The following ULK1 variants were observed in gnomAD, a reference collection of about 807,000 sequenced individuals.
ULK1 encodes the protein serine/threonine-protein kinase ULK1.
Under a neutral mutation model 117.5 loss-of-function variants are expected in ULK1, and 48 were observed. The observed-to-expected ratio is 0.41, with a 90% confidence interval of 0.32 to 0.52. ULK1 has a LOEUF of 0.52. Among genes scored for constraint, ULK1 ranks in the 20% least tolerant of loss-of-function variants. ULK1 has a pLI of 0.29. For synonymous variants in ULK1, 790 were observed against 637.8 expected, an observed-to-expected ratio of 1.24 and a Z score of -3.60; for missense variants, 1,387 against 1,473.4, an observed-to-expected ratio of 0.94 and a Z score of 0.96.
chr12:131,895,180 T>A, intron 1 of ULK1, 68 bp downstream of exon 1: 1 of 917,026 alleles, frequency 1.1e-6, no homozygotes, highest in Non-Finnish European at 1.4e-6. Flanking sequence ...CGCCCCGAGA[T>A]TCCCCGCCTG....
Position 131,908,833 on chromosome 12 carries a change from G to A in ULK1, c.490+16G>A, listed in dbSNP as rs531590488. ...GTCAAGATCGGTCAGCCCGCGGGCA[G>A]GCAGGCGGGCCCGGCGGGGAGGGGC... On this transcript the variant is annotated intron_variant, in intron 6 of 27. Coordinates refer to ENST00000321867, the MANE Select transcript of ULK1 (RefSeq NM_003565.4). 3.1e-6 allele frequency: 5 copies of A among 1,606,208 alleles called. No homozygotes were observed. The South Asian group carries it at 4.4e-5, about 14-fold the overall frequency.
At chr12:131,918,253 T>C (rs1015002483) in intron 22 of ULK1, 3 of 563,904 alleles carry the variant, frequency 5.3e-6, no homozygotes, top group African/African-American at 1.9e-5. Context: ...GGTCCCTTGG[T>C]GGGCACCGCA....
At chr12:131,920,891 G>A in intron 26 of ULK1, 1 of 677,932 alleles carries the variant, frequency 1.5e-6, no homozygotes, top group Non-Finnish European at 2.4e-6. Flanking sequence ...TGAGAGCGCT[G>A]GCCAGGGTCA....
At chr12:131,907,001 T>TG in intron 4 of ULK1, 77 bp downstream of exon 4, 4 of 1,593,934 alleles carry the variant, frequency 2.5e-6, no homozygotes, top group East Asian at 4.5e-5. Flanking sequence ...GGGACATGGC[T>TG]GGGGGGAGGG....
At position 131,913,241 on chromosome 12, in the gene ULK1, C is replaced by T; in HGVS notation, c.1140C>T (p.Asp380=). The change falls in exon 14 of 28, where the codon GAC becomes GAT. Residue 380 remains aspartate (D), a synonymous_variant. Coordinates refer to ENST00000321867, the MANE Select transcript of ULK1 (RefSeq NM_003565.4). ...AEAPSAKPPP[D]SLMCSGSSLV... ...CGCCCAGTGCCAAACCCCCGCCAGACAGCCTGATGTGCAGTGGGTGAGCCC... is the reference window on the plus strand; with the variant it reads ...CGCCCAGTGCCAAACCCCCGCCAGATAGCCTGATGTGCAGTGGGTGAGCCC... 6.3e-7 allele frequency: 1 copy of T among 1,593,054 alleles called. No homozygotes were observed.
At position 131,903,400 on chromosome 12, in the gene ULK1, C is replaced by T. The variant is rs530336774; in HGVS notation, c.247-3492C>T. Among the ~76,000 whole-genome samples the T allele has an allele frequency of 9.2e-5, 14 of 152,308 alleles. No homozygotes were observed. Among genetic ancestry groups the T allele is most frequent in the Non-Finnish European group, 1.6e-4 (11 of 68,024 alleles). ...GTGCTGCCATTTCCCAGCCTGGGCA[C>T]GCCTCCCAACCTCTGGGGCCTCAGT... On this transcript the variant is annotated intron_variant, in intron 3 of 27. Coordinates refer to ENST00000321867, the MANE Select transcript of ULK1 (RefSeq NM_003565.4). This position sits in a 1 kb window ranked among gnomAD's most constrained non-coding sequence, Gnocchi z 6.0.
At chr12:131,914,137 G>A (rs1351850333) in intron 15 of ULK1, among the ~76,000 whole-genome samples, 1 of 152,272 alleles carries the variant, frequency 6.6e-6, no homozygotes, top group Non-Finnish European at 1.5e-5. Context: ...CTGGCTGGGT[G>A]CAGACTGGGA....
Position 131,908,657 on chromosome 12 carries a change from G to T in ULK1, c.330G>T (p.Leu110=), listed in dbSNP as rs767576352. The T allele has an allele frequency of 6.5e-7, 1 of 1,547,206 alleles. No individual in the cohort carries two copies. The highest frequency in any genetic ancestry group is 8.7e-7 in the Non-Finnish European group (1 of 1,152,146). ...LADYLHAMRT[L]SEDTIRLFLQ... ...CTCTCCCCGCAGCCATGCGCACGCT[G>T]AGCGAGGACACCATCAGGCTCTTCC... Residue 110 remains leucine, a synonymous_variant, in exon 6 of 28, where the codon CTG becomes CTT. Coordinates refer to ENST00000321867, the MANE Select transcript of ULK1 (RefSeq NM_003565.4).
chr12:131,916,576 A>G lies in ULK1; in HGVS notation c.2057A>G (p.Lys686Arg), dbSNP rs1566125563. ...GGCCTGCGGCCAGGCGAGGACCCCA[A>G]GGGCCCCTTTGGCCGGTGAGTTGAG... ...GPGLRPGEDP[K>R]GPFGRSFSTS... The change falls in exon 20 of 28, where the codon AAG (lysine) becomes AGG (arginine). Residue 686 changes from lysine to arginine, a missense_variant. Coordinates refer to ENST00000321867, the MANE Select transcript of ULK1 (RefSeq NM_003565.4). 6.3e-7 allele frequency: 1 copy of G among 1,584,954 alleles called. No individual in the cohort carries two copies. The highest frequency in any genetic ancestry group is 8.5e-7 in the Non-Finnish European group (1 of 1,171,154).
intron 11 of ULK1, 45 bp downstream of exon 11, chr12:131,910,349 A>G: frequency 6.2e-7 from 1 of 1,610,418 alleles, no homozygotes; most frequent in Non-Finnish European, 8.5e-7. Context: ...CCCTGCATGC[A>G]CCCCTTCCTC....
chr12:131,895,867 G>T (rs775195070), intron 3 of ULK1, 43 bp downstream of exon 3: 2 of 1,612,054 alleles, frequency 1.2e-6, no homozygotes, highest in Middle Eastern at 1.8e-4. Flanking sequence ...CGGGCTGGGG[G>T]ACTGTGGCCC....
At chr12:131,907,601 C>T in intron 5 of ULK1, 70 bp downstream of exon 5, 2 of 1,551,818 alleles carry the variant, frequency 1.3e-6, no homozygotes, top group East Asian at 2.3e-5. Context: ...GCCACACTGG[C>T]CCAGTCTGGG....
rs770339351 is a variant in ULK1 at position 131,915,437 on chromosome 12, AG to A, written c.1609+22del. 15 of 1,610,594 alleles carry A rather than the reference AG, an allele frequency of 9.3e-6. No homozygotes were observed. The highest frequency in any genetic ancestry group is 2.2e-5 in the East Asian group (1 of 44,876). On this transcript the variant is annotated intron_variant, in intron 18 of 27. Transcript: ENST00000321867. ...CCTCGTCCAGGTGGGTGCAGTCCGGAGGGGGGAGGGGGTGCTAGGCTGACCT... is the reference window on the plus strand; with the variant it reads ...CCTCGTCCAGGTGGGTGCAGTCCGGAGGGGGAGGGGGTGCTAGGCTGACCT...
chr12:131,914,528 A>T, intron 16 of ULK1, 51 bp downstream of exon 16: 1 of 1,580,876 alleles, frequency 6.3e-7, no homozygotes, highest in Non-Finnish European at 8.6e-7. Flanking sequence ...CTTGTGTGGC[A>T]GGAGCCCTTC....
At chr12:131,901,452 AG>A (rs1398577597) in intron 3 of ULK1, among the ~76,000 whole-genome samples, 1 of 152,122 alleles carries the variant, frequency 6.6e-6, no homozygotes, top group Non-Finnish European at 1.5e-5. Context: ...TGGCGTAGCA[AG>A]CGCCAGCCCA....
chr12:131,907,454 T>C (rs1293588222), intron 4 of ULK1, 41 bp from the exon 5 acceptor site: 1 of 1,608,346 alleles, frequency 6.2e-7, no homozygotes, highest in Admixed American at 1.7e-5. Context: ...AGGTGGGCCC[T>C]GGGCCCTGCT....
rs554562526 is a variant in ULK1, at chr12:131,902,407, G to A, written c.247-4485G>A. ...CCCCAGGGGTGGGGCAGCCTCCTAC[G>A]TGCCCAGACACCCGTGCCAGGCTGC... On this transcript the variant is annotated intron_variant, in intron 3 of 27. Coordinates refer to ENST00000321867, the MANE Select transcript of ULK1 (RefSeq NM_003565.4). The surrounding 1 kb of genome is among the most constrained non-coding windows in gnomAD (Gnocchi z 6.3). 1.3e-4 allele frequency among the ~76,000 whole-genome samples: 20 copies of A among 152,282 alleles called. No homozygotes were observed. The highest frequency in any genetic ancestry group is 6.8e-3 in the Middle Eastern group (2 of 294).
In ULK1 at chr12:131,894,833, C is replaced by T. The variant is rs1888791017; in HGVS notation, c.-169C>T. 1 of 155,624 alleles carries T rather than the reference C, an allele frequency of 6.4e-6. No homozygotes were observed. The highest frequency in any genetic ancestry group is 1.9e-4 in the South Asian group (1 of 5,208). The allele number at this position is 155,624 out of a possible 1,614,324, so 9.6% of individuals were successfully genotyped here. A position where few individuals can be genotyped will look rare whatever the true frequency, so the allele number is the denominator to read the frequency against. ...CCGCCTGGCCCGCGGGGCTGGGACCCGGCCCCGGCCTGCCCGATGGGGCGC... is the reference window on the plus strand; with the variant it reads ...CCGCCTGGCCCGCGGGGCTGGGACCTGGCCCCGGCCTGCCCGATGGGGCGC... On this transcript the variant is annotated 5_prime_UTR_variant, in exon 1 of 28. Coordinates refer to ENST00000321867, the MANE Select transcript of ULK1 (RefSeq NM_003565.4).
rs149781829 is a variant in ULK1, at chr12:131,919,303, G to A, written c.2603G>A (p.Ser868Asn). 2 of 1,594,070 alleles carry A rather than the reference G, an allele frequency of 1.3e-6. No individual in the cohort carries two copies. Among genetic ancestry groups the A allele is most frequent in the South Asian group, 1.1e-5 (1 of 90,102 alleles). The part of the protein sequence containing the change: ...LEIAALKGSA[S>N]EAAGGPEYQL... Reference sequence around the variant, plus strand: ...ATCGCAGCCCTGAAGGGCAGCGCCAGTGAGGCGGCGGGGGGCCCTGAGTAC... The same window carrying A: ...ATCGCAGCCCTGAAGGGCAGCGCCAATGAGGCGGCGGGGGGCCCTGAGTAC... The change falls in exon 24 of 28, where the codon AGT becomes AAT. Residue 868 changes from serine to asparagine, a missense_variant. By Grantham distance (46) the Ser-to-Asn change is conservative (BLOSUM62 1). Around this residue, in one of 4 missense-constraint regions of ULK1, gnomAD observed 900 missense variants for 858.9 expected, o/e 1.05. Coordinates refer to ENST00000321867, the MANE Select transcript of ULK1 (RefSeq NM_003565.4).
Sources: gnomAD v4.1 joint callset for allele counts (sites outside exome capture counted in the v4.1 genomes callset) on GRCh38, gnomAD v4.1.1 for gene constraint, gnomAD v4.1.1 regional missense constraint, Gnocchi (gnomAD v3.1) non-coding constraint, MANE v1.5 for transcripts, NCBI Gene and HGNC (gene_info 2026-07-23, HGNC 2026-07-21) for gene names.